The following RASAL2 variants were observed in gnomAD, a reference collection of about 807,000 sequenced individuals.
RASAL2 encodes RAS protein activator like 2, also known as ras GTPase-activating protein nGAP.
Under a neutral mutation model 128.9 loss-of-function variants are expected in RASAL2, and 58 were observed. The ratio of observed to expected loss-of-function variants is 0.45; its 90% confidence interval spans 0.36 to 0.56. The LOEUF is 0.56. Ranked by LOEUF, RASAL2 falls within the 20% of genes least tolerant of loss-of-function variation. The pLI is 0.00. For missense variants in RASAL2, 1,360 were observed against 1,601.6 expected (o/e 0.85, Z 2.57); for synonymous variants, 561 against 580.8 (o/e 0.97, Z 0.49).
chr1:178,111,309 A>C (rs1159423858), intron 1 of RASAL2, among the ~76,000 whole-genome samples: 2 of 152,154 alleles, frequency 1.3e-5, no homozygotes, highest in Non-Finnish European at 2.9e-5. Context: ...GGGTTTTGCC[A>C]TGTTGCCCAG....
intron 11 of RASAL2, among the ~76,000 whole-genome samples, chr1:178,452,981 A>G (rs1410815375): frequency 6.6e-6 from 1 of 152,176 alleles, no homozygotes; most frequent in Non-Finnish European, 1.5e-5. Flanking sequence ...AAAAAGTGGT[A>G]TGTATACTGT....
At chr1:178,426,647 G>A (rs1675533490) in intron 5 of RASAL2, among the ~76,000 whole-genome samples, 1 of 151,744 alleles carries the variant, frequency 6.6e-6, no homozygotes, top group African/African-American at 2.4e-5. Flanking sequence ...AAAATAGGTT[G>A]CATACAAAGG....
chr1:178,306,920 TAA>T, intron 3 of RASAL2, among the ~76,000 whole-genome samples: 1 of 149,924 alleles, frequency 6.7e-6, no homozygotes, highest in Non-Finnish European at 1.5e-5. Context: ...TGCTAGATGA[TAA>T]GTTAGTGGGT....
rs1289060233 is a variant in RASAL2 at position 178,452,066 on chromosome 1, T to G, written c.1773-350T>G. Among the ~76,000 whole-genome samples, 3 of 152,200 alleles carry G rather than the reference T, an allele frequency of 2.0e-5. No homozygotes were observed. The East Asian group carries it at 5.8e-4, about 29-fold the overall frequency. Reference sequence around the variant, plus strand: ...TTGATCATTGCTCTAACTCCAGCAATTGGCGAAATTTTGGAAGATTTTTGA... The same window carrying G: ...TTGATCATTGCTCTAACTCCAGCAAGTGGCGAAATTTTGGAAGATTTTTGA... On this transcript the variant is annotated intron_variant, in intron 10 of 17. Coordinates refer to ENST00000367649, the MANE Select transcript of RASAL2 (RefSeq NM_170692.4).
intron 9 of RASAL2, among the ~76,000 whole-genome samples, chr1:178,448,192 G>C: frequency 6.6e-6 from 1 of 152,006 alleles, no homozygotes; most frequent in East Asian, 1.9e-4. Flanking sequence ...GAGAAAGAGA[G>C]AGCATCCAAA....
chr1:178,124,541 G>A (rs916060699), intron 1 of RASAL2, among the ~76,000 whole-genome samples: 5 of 152,138 alleles, frequency 3.3e-5, no homozygotes, highest in South Asian at 2.1e-4. Flanking sequence ...TTTAGTGGAC[G>A]GGAGGCAAAT....
At position 178,244,573 on chromosome 1, in the gene RASAL2, T is replaced by C. The variant is rs547542870; in HGVS notation, c.203-38991T>C. On this transcript the variant is annotated intron_variant, in intron 1 of 17. Transcript: ENST00000367649. ...TCTTTAAAATTTTGTTTTATTTTTATTGTACTTTAAGTTCTGGGATATATG... is the reference window on the plus strand; with the variant it reads ...TCTTTAAAATTTTGTTTTATTTTTACTGTACTTTAAGTTCTGGGATATATG... Among the ~76,000 whole-genome samples, 5 of 152,328 alleles carry C rather than the reference T, an allele frequency of 3.3e-5. No individual in the cohort carries two copies. The South Asian group carries it at 1.0e-3, about 32-fold the overall frequency.
At chr1:178,354,327 A>G (rs1344506881) in intron 3 of RASAL2, among the ~76,000 whole-genome samples, 2 of 152,210 alleles carry the variant, frequency 1.3e-5, no homozygotes, top group Admixed American at 6.5e-5. Flanking sequence ...CTCTTAGCAA[A>G]ACAACAATAG....
At chr1:178,098,206 G>A (rs73049355) in intron 1 of RASAL2, among the ~76,000 whole-genome samples, 2,470 of 152,264 alleles carry the variant, frequency 0.016, 69 homozygotes, top group African/African-American at 0.055. Flanking sequence ...TGCCAGATTG[G>A]TACCTTGCTC....
chr1:178,296,973 A>AG (rs1667541620), intron 2 of RASAL2, among the ~76,000 whole-genome samples: 1 of 135,464 alleles, frequency 7.4e-6, no homozygotes, highest in African/African-American at 3.6e-5. Flanking sequence ...ACACCCAGCC[A>AG]ATTTTTTTTT....
intron 1 of RASAL2, among the ~76,000 whole-genome samples, chr1:178,240,201 A>G (rs1225931302): frequency 6.6e-6 from 1 of 152,102 alleles, no homozygotes; most frequent in Non-Finnish European, 1.5e-5. Context: ...TTGCTGGCTT[A>G]CTAATCCTCT....
chr1:178,426,557 G>T (rs373237307), intron 5 of RASAL2, among the ~76,000 whole-genome samples: 73 of 151,582 alleles, frequency 4.8e-4, no homozygotes, highest in African/African-American at 1.7e-3. Context: ...AAAATGCCAA[G>T]AATAGGTAAA....
chr1:178,252,611 A>G lies in RASAL2; in HGVS notation c.203-30953A>G, dbSNP rs1052729416. Among the ~76,000 whole-genome samples the G allele has an allele frequency of 2.6e-5, 4 of 152,232 alleles. 1 individual carries two copies. The highest frequency in any genetic ancestry group is 5.9e-5 in the Non-Finnish European group (4 of 68,034). On this transcript the variant is annotated intron_variant, in intron 1 of 17. Coordinates refer to ENST00000367649, the MANE Select transcript of RASAL2 (RefSeq NM_170692.4). ...TACTAAAGAAAGAGAAATGAAATAG[A>G]AATGAAATCATTAAGATCAGAATAC...
At chr1:178,285,654 T>C (rs937364202) in intron 2 of RASAL2, among the ~76,000 whole-genome samples, 2 of 152,242 alleles carry the variant, frequency 1.3e-5, no homozygotes, top group Non-Finnish European at 2.9e-5. Context: ...ATAATAAAAA[T>C]TGGTAAAGTG....
chr1:178,211,489 A>G (rs1258440302), intron 1 of RASAL2, among the ~76,000 whole-genome samples: 1 of 152,110 alleles, frequency 6.6e-6, no homozygotes, highest in Non-Finnish European at 1.5e-5. Context: ...TAAGGAAGAA[A>G]CTCACTATTC....
At chr1:178,355,783 A>G (rs1670771098) in intron 3 of RASAL2, among the ~76,000 whole-genome samples, 1 of 152,260 alleles carries the variant, frequency 6.6e-6, no homozygotes, top group Non-Finnish European at 1.5e-5. Context: ...AAAAATGGGC[A>G]GAGACTTAAT....
At chr1:178,188,547 G>A (rs1017163778) in intron 1 of RASAL2, among the ~76,000 whole-genome samples, 51 of 152,128 alleles carry the variant, frequency 3.4e-4, no homozygotes, top group Non-Finnish European at 6.6e-4. Context: ...GATGATGGCA[G>A]TTTCATTTTT....
chr1:178,162,975 GT>G (rs1342263929), intron 1 of RASAL2, among the ~76,000 whole-genome samples: 1 of 151,576 alleles, frequency 6.6e-6, no homozygotes, highest in Non-Finnish European at 1.5e-5. Flanking sequence ...CACTTTCTTT[GT>G]TTTTTATTTT....
At position 178,258,726 on chromosome 1, in the gene RASAL2, TAC is replaced by T. The variant is rs1301761233; in HGVS notation, c.203-24837_203-24836del. Reference sequence around the variant, plus strand: ...GTTCTTCAAACAATTAAAATAACATTACTAAATCACTCAGCAATTCCACTCCA... The same window carrying T: ...GTTCTTCAAACAATTAAAATAACATTTAAATCACTCAGCAATTCCACTCCA... On this transcript the variant is annotated intron_variant, in intron 1 of 17. Transcript: ENST00000367649. Among the ~76,000 whole-genome samples, 3 of 152,274 alleles carry T rather than the reference TAC, an allele frequency of 2.0e-5. No homozygotes were observed. The East Asian group carries it at 5.8e-4, about 29-fold the overall frequency.
Sources: allele counts gnomAD v4.1 joint callset (sites outside exome capture counted in the v4.1 genomes callset), GRCh38; gene constraint gnomAD v4.1.1; transcripts MANE v1.5; gene names NCBI Gene and HGNC (gene_info 2026-07-23, HGNC 2026-07-21).